SCTR: variants seen among roughly 807,000 people sequenced by gnomAD.
SCTR encodes secretin receptor, also known as pancreatic secretin receptor.
SCTR carries 56 observed loss-of-function variants against 60.8 expected under a neutral mutation model. The ratio of observed to expected loss-of-function variants is 0.92; its 90% CI spans 0.74 to 1.15. The LOEUF (loss-of-function observed/expected upper bound fraction) is 1.15. Among genes scored for constraint, SCTR ranks in the 50% most tolerant of loss-of-function variants. The pLI is 0.00. For missense variants in SCTR, 562 were observed against 550.4 expected, an observed-to-expected ratio of 1.02 and a Z score of -0.21; for synonymous variants, 202 against 217.0, an observed-to-expected ratio of 0.93 and a Z score of 0.61.
intron 4 of SCTR, among the ~76,000 whole-genome samples, chr2:119,470,611 A>G (rs1187555260): frequency 6.6e-6 from 1 of 152,174 alleles, no homozygotes; most frequent in Non-Finnish European, 1.5e-5. Flanking sequence ...GGGATTTTAC[A>G]GTTTTAATCT....
rs140028312 is a variant in SCTR, at chr2:119,441,573, G to T, written c.1167C>A (p.Cys389Ter). 132 of 1,612,932 alleles carry T rather than the reference G, an allele frequency of 8.2e-5. No individual in the cohort carries two copies. The highest frequency in any genetic ancestry group is 3.3e-4 in the Middle Eastern group (2 of 6,080). The change falls in exon 12 of 13, where the codon TGC becomes TGA. Residue 389 changes from cysteine (C) to a stop codon, truncating the protein, a stop_gained. Transcript: ENST00000019103. LOFTEE classifies it high-confidence loss of function. ...FQGLVVAVLYCFLNGEVQLEV... is the reference protein window; with the variant it reads ...FQGLVVAVLY ...GACTACTCACCTCCCCATTGAGGAA[G>T]CAGTAGAGGACGGCCACCACCAGTC... is the stretch of plus-strand genomic sequence containing the variant.
At chr2:119,452,746 C>A (rs1683222233) in intron 8 of SCTR, among the ~76,000 whole-genome samples, 1 of 152,184 alleles carries the variant, frequency 6.6e-6, no homozygotes, top group Non-Finnish European at 1.5e-5. Context: ...CCTGAGAAAT[C>A]AACTCCCATG....
chr2:119,447,306 A>G (rs898772743), intron 10 of SCTR, among the ~76,000 whole-genome samples: 1 of 152,208 alleles, frequency 6.6e-6, no homozygotes, highest in African/African-American at 2.4e-5. Context: ...GGGTTGCCAA[A>G]CTTAGCAAAT....
At chr2:119,519,465 C>A (rs1414371565) in intron 1 of SCTR, among the ~76,000 whole-genome samples, 1 of 152,048 alleles carries the variant, frequency 6.6e-6, no homozygotes, top group Non-Finnish European at 1.5e-5. Context: ...ATGACAGCTC[C>A]TTGGGCACCA....
chr2:119,513,540 C>G (rs1244171793), intron 1 of SCTR, among the ~76,000 whole-genome samples: 3 of 152,060 alleles, frequency 2.0e-5, no homozygotes, highest in African/African-American at 7.2e-5. Context: ...GGTTTCAGAG[C>G]CTGAGTCTAA....
intron 1 of SCTR, among the ~76,000 whole-genome samples, chr2:119,500,630 C>A (rs1678511147): frequency 6.6e-6 from 1 of 151,604 alleles, no homozygotes; most frequent in South Asian, 2.1e-4. Context: ...CACAAAAAGA[C>A]AAAAAAAATC....
At chr2:119,458,848 G>A (rs920688680) in intron 7 of SCTR, among the ~76,000 whole-genome samples, 1 of 152,158 alleles carries the variant, frequency 6.6e-6, no homozygotes, top group African/African-American at 2.4e-5. Context: ...CTCTGGGCGG[G>A]GAGTGCAGCA....
In SCTR at chr2:119,473,393, G is replaced by A. The variant is rs1410299137; in HGVS notation, c.405+60C>T. 7 of 1,202,056 alleles carry A rather than the reference G, an allele frequency of 5.8e-6. No individual in the cohort carries two copies. In the African/African-American group the frequency reaches 6.0e-5, roughly 10 times the overall value. The allele number at this position is 1,202,056 out of a possible 1,614,324, so 74.5% of individuals were successfully genotyped here. A position where few individuals can be genotyped will look rare whatever the true frequency, so the allele number is the denominator to read the frequency against. ...CTCTCCCAGGGCCTCCTCTCCCAGGGCCTCCTCACCCTATAGGTTCCTGTC... is the reference window on the plus strand; with the variant it reads ...CTCTCCCAGGGCCTCCTCTCCCAGGACCTCCTCACCCTATAGGTTCCTGTC... On this transcript the variant is annotated intron_variant, in intron 4 of 12. Transcript: ENST00000019103.
Position 119,473,220 on chromosome 2 carries a change from T to C in SCTR, c.405+233A>G, listed in dbSNP as rs561855367. Among the ~76,000 whole-genome samples, 5 of 152,260 alleles carry C rather than the reference T, an allele frequency of 3.3e-5. 1 individual carries two copies. The highest frequency in any genetic ancestry group is 2.6e-4 in the Admixed American group (4 of 15,294). ...GCGGTGGTATGCGACAGTTCCTACC[T>C]GTGCCTGGGTTCCTCCTAACCATCA... On this transcript the variant is annotated intron_variant, in intron 4 of 12. Transcript: ENST00000019103.
chr2:119,465,774 G>A lies in SCTR; in HGVS notation c.503+15C>T, dbSNP rs1365071862. ...AGGAGGGCTGGGGTATGGAGAGCTG[G>A]CAGTGTGTTCTCACCGGAAAGCACA... On this transcript the variant is annotated intron_variant, in intron 5 of 12. Coordinates refer to ENST00000019103, the MANE Select transcript of SCTR (RefSeq NM_002980.3). 6.4e-7 allele frequency: 1 copy of A among 1,567,000 alleles called. No homozygotes were observed. Among genetic ancestry groups the A allele is most frequent in the Non-Finnish European group, 8.8e-7 (1 of 1,137,056 alleles).
chr2:119,460,753 G>A (rs771221650), intron 7 of SCTR, among the ~76,000 whole-genome samples: 2 of 152,168 alleles, frequency 1.3e-5, no homozygotes, highest in African/African-American at 2.4e-5. Context: ...ATGGGGGCCC[G>A]CACTTGGCTG....
chr2:119,520,507 C>G (rs567175676), intron 1 of SCTR, among the ~76,000 whole-genome samples: 2 of 152,168 alleles, frequency 1.3e-5, no homozygotes, highest in Non-Finnish European at 2.9e-5. Flanking sequence ...CTGCAGGCAA[C>G]GCTTGCAGGC....
At chr2:119,442,438 G>A (rs1344710759) in intron 11 of SCTR, among the ~76,000 whole-genome samples, 1 of 152,200 alleles carries the variant, frequency 6.6e-6, no homozygotes, top group Non-Finnish European at 1.5e-5. Flanking sequence ...CCCACACAGA[G>A]GCCTGACCTC....
intron 1 of SCTR, among the ~76,000 whole-genome samples, chr2:119,519,588 C>T (rs1263978172): frequency 4.0e-5 from 6 of 151,720 alleles, no homozygotes; most frequent in Non-Finnish European, 8.8e-5. Context: ...GGGTGGATCA[C>T]GAGGTCAGGA....
At chr2:119,467,857 C>T (rs1375190971) in intron 4 of SCTR, among the ~76,000 whole-genome samples, 1 of 152,152 alleles carries the variant, frequency 6.6e-6, no homozygotes, top group Non-Finnish European at 1.5e-5. Context: ...AGAATTCAAA[C>T]TTTACATGTG....
At chr2:119,455,457 C>T (rs1451086694) in intron 7 of SCTR, among the ~76,000 whole-genome samples, 2 of 152,178 alleles carry the variant, frequency 1.3e-5, no homozygotes, top group Admixed American at 1.3e-4. Context: ...TCAGAGGAAA[C>T]AGACCATACA....
chr2:119,443,374 T>C (rs916473897), intron 11 of SCTR, among the ~76,000 whole-genome samples: 5 of 152,230 alleles, frequency 3.3e-5, no homozygotes, highest in Admixed American at 2.0e-4. Context: ...TGTGTGTATC[T>C]TTGTGGAAAG....
intron 7 of SCTR, among the ~76,000 whole-genome samples, chr2:119,457,213 G>A (rs1446432211): frequency 1.3e-5 from 2 of 151,600 alleles, no homozygotes; most frequent in Non-Finnish European, 1.5e-5. Context: ...GAGAATTGAT[G>A]CTGGCAATAT....
At chr2:119,468,642 T>C (rs554933658) in intron 4 of SCTR, among the ~76,000 whole-genome samples, 8 of 152,300 alleles carry the variant, frequency 5.3e-5, no homozygotes, top group African/African-American at 1.9e-4. Flanking sequence ...CGGTTTGAGA[T>C]GGTAGGAAGT....
Sources: allele counts gnomAD v4.1 joint callset (sites outside exome capture counted in the v4.1 genomes callset), GRCh38; gene constraint gnomAD v4.1.1; transcripts MANE v1.5; gene names NCBI Gene and HGNC (gene_info 2026-07-23, HGNC 2026-07-21).